The following GINS1 variants were observed in gnomAD, a reference collection of about 807,000 sequenced individuals.
GINS1 encodes the protein GINS complex subunit 1, also known as DNA replication complex GINS protein PSF1.
Under a neutral mutation model 34.9 loss-of-function variants are expected in GINS1, and 26 were observed. That is an observed-to-expected ratio of 0.74 (90% CI 0.55 to 1.03). GINS1 has a LOEUF of 1.03. GINS1 is among the 50% of genes least tolerant of loss of function. The probability of loss-of-function intolerance (pLI) is 0.00; values close to 1 mark genes in which losing one functional copy is unlikely to be tolerated. For missense variants in GINS1, 235 were observed against 237.9 expected, an observed-to-expected ratio of 0.99 and a Z score of 0.08; for synonymous variants, 97 against 84.4, an observed-to-expected ratio of 1.15 and a Z score of -0.82.
intron 1 of GINS1, among the ~76,000 whole-genome samples, chr20:25,412,428 G>T (rs963619805): frequency 6.6e-6 from 1 of 150,778 alleles, no homozygotes; most frequent in African/African-American, 2.4e-5. Context: ...GGTGGTGGGC[G>T]CCTGTAATCC....
At chr20:25,441,941 G>T (rs1258688984) in intron 6 of GINS1, among the ~76,000 whole-genome samples, 165 bp downstream of exon 6, 1 of 152,074 alleles carries the variant, frequency 6.6e-6, no homozygotes. Flanking sequence ...TATTAAGACT[G>T]GAAGCAAATG....
At chr20:25,426,355 G>A (rs2090390715) in intron 5 of GINS1, among the ~76,000 whole-genome samples, 2 of 151,752 alleles carry the variant, frequency 1.3e-5, no homozygotes, top group South Asian at 4.2e-4. Context: ...CCTGAGGTCG[G>A]GAGTTCAAGA....
In GINS1 at chr20:25,446,073, C is replaced by G. The variant is rs2090510991; in HGVS notation, c.*82C>G. Reference sequence around the variant, plus strand: ...TCTCTCCACCACTCCCTTCACCTCCCTCTTTGATTTTAGAAGCTATAGACA... The same window carrying G: ...TCTCTCCACCACTCCCTTCACCTCCGTCTTTGATTTTAGAAGCTATAGACA... On this transcript the variant is annotated 3_prime_UTR_variant, in exon 7 of 7. Transcript: ENST00000262460. The G allele has an allele frequency of 1.4e-6, 1 of 697,100 alleles. No individual in the cohort carries two copies. Among genetic ancestry groups the G allele is most frequent in the African/African-American group, 1.8e-5 (1 of 55,936 alleles). 43.2% of individuals were successfully genotyped at this position (697,100 alleles called of 1,614,324 possible).
At position 25,413,090 on chromosome 20, in the gene GINS1, G is replaced by T. The variant is rs187615713; in HGVS notation, c.76-700G>T. Among the ~76,000 whole-genome samples the T allele has an allele frequency of 4.1e-5, 6 of 147,714 alleles. 1 individual carries two copies. The East Asian group carries it at 5.9e-4, about 15-fold the overall frequency. The stretch of plus-strand genomic sequence containing the variant: ...TTTTTTTTCTTTGAGACGAAGTTTC[G>T]CTCTTGTTGCTCAGGCTGGAGTGCA... On this transcript the variant is annotated intron_variant, in intron 1 of 6. Coordinates refer to ENST00000262460, the MANE Select transcript of GINS1 (RefSeq NM_021067.5).
intron 2 of GINS1, 130 bp from the exon 3 acceptor site, chr20:25,416,974 A>G: frequency 1.8e-6 from 1 of 546,160 alleles, no homozygotes; most frequent in Non-Finnish European, 3.2e-6. Flanking sequence ...AATAGTTATT[A>G]TTTGCTTAGG....
At chr20:25,434,763 C>T (rs1314988320) in intron 5 of GINS1, among the ~76,000 whole-genome samples, 2 of 152,176 alleles carry the variant, frequency 1.3e-5, no homozygotes, top group South Asian at 4.1e-4. Context: ...TCAATTAATT[C>T]TGGAGGCCTG....
At chr20:25,411,739 T>G (rs1018988648) in intron 1 of GINS1, among the ~76,000 whole-genome samples, 1 of 152,016 alleles carries the variant, frequency 6.6e-6, no homozygotes, top group Non-Finnish European at 1.5e-5. Context: ...GGTCAGGAGT[T>G]CGAGACCAAC....
At chr20:25,428,391 T>C (rs138463824) in intron 5 of GINS1, among the ~76,000 whole-genome samples, 82 of 141,066 alleles carry the variant, frequency 5.8e-4, no homozygotes, top group African/African-American at 2.0e-3. Flanking sequence ...TTTCCAAGCA[T>C]AATTTCTTTT....
intron 5 of GINS1, among the ~76,000 whole-genome samples, chr20:25,440,334 A>G (rs554850142): frequency 1.3e-5 from 2 of 152,210 alleles, no homozygotes; most frequent in South Asian, 2.1e-4. Context: ...CTGGTTTTAT[A>G]GAAGTAGACA....
chr20:25,413,635 A>T, intron 1 of GINS1, 155 bp from the exon 2 acceptor site: 2 of 607,890 alleles, frequency 3.3e-6, no homozygotes, highest in Non-Finnish European at 6.0e-6. Flanking sequence ...TCCGCATCTC[A>T]CCAACACTTG....
intron 1 of GINS1, among the ~76,000 whole-genome samples, chr20:25,411,943 CAAAA>C (rs11478911): frequency 2.9e-5 from 4 of 136,134 alleles, no homozygotes; most frequent in Non-Finnish European, 6.4e-5. Context: ...AACTCCGTCT[CAAAA>C]AAAAAAAAAA....
chr20:25,425,327 A>G lies in GINS1; in HGVS notation c.447A>G (p.Glu149=). 1 of 1,207,322 alleles carries G rather than the reference A, an allele frequency of 8.3e-7. No homozygotes were observed. The highest frequency in any genetic ancestry group is 1.2e-6 in the Non-Finnish European group (1 of 815,176). 74.8% of individuals were successfully genotyped at this position (1,207,322 alleles called of 1,614,324 possible). A position where few individuals can be genotyped will look rare whatever the true frequency, so the allele number is the denominator to read the frequency against. The change falls in exon 5 of 7, where the codon GAA becomes GAG. Residue 149 remains glutamate, a splice_region_variant and synonymous_variant. Transcript: ENST00000262460. The stretch of plus-strand genomic sequence containing the variant: ...AACCACCAAAAAGCCTATATATTGA[A>G]GTATGTATATCTTTTTAAAATGCAT... The part of the protein sequence containing the change: ...DMKPPKSLYI[E]VRCLKDYGEF...
intron 4 of GINS1, among the ~76,000 whole-genome samples, chr20:25,421,695 A>G (rs1045582808): frequency 7.9e-5 from 12 of 152,216 alleles, no homozygotes; most frequent in African/African-American, 2.2e-4. Context: ...GAAAACTAAA[A>G]AATTTGTGAC....
At chr20:25,443,771 C>T (rs371083256) in intron 6 of GINS1, among the ~76,000 whole-genome samples, 14 of 151,432 alleles carry the variant, frequency 9.2e-5, no homozygotes, top group East Asian at 2.0e-4. Context: ...TGTGAGCCAC[C>T]GCACCTGGCC....
In GINS1 at chr20:25,446,251, T is replaced by G; in HGVS notation, c.*260T>G. 1 of 323,212 alleles carries G rather than the reference T, an allele frequency of 3.1e-6. No homozygotes were observed. The highest frequency in any genetic ancestry group is 5.6e-6 in the Non-Finnish European group (1 of 177,340). 20.0% of individuals were successfully genotyped at this position (323,212 alleles called of 1,614,324 possible). A position where few individuals can be genotyped will look rare whatever the true frequency, so the allele number is the denominator to read the frequency against. ...TGTCTCACTATGTTGCCCAAGCTGG[T>G]CTCAAACTCCTGGCCTCAAGCAGTC... On this transcript the variant is annotated 3_prime_UTR_variant, in exon 7 of 7. Transcript: ENST00000262460.
At chr20:25,423,739 G>C (rs566552431) in intron 4 of GINS1, among the ~76,000 whole-genome samples, 1 of 149,314 alleles carries the variant, frequency 6.7e-6, no homozygotes, top group Non-Finnish European at 1.5e-5. Flanking sequence ...TCAGCCTCCC[G>C]AGTAGCTGGG....
intron 5 of GINS1, among the ~76,000 whole-genome samples, chr20:25,427,648 G>T (rs1257815729): frequency 6.6e-6 from 1 of 152,028 alleles, no homozygotes; most frequent in Non-Finnish European, 1.5e-5. Context: ...CCCTTTATGG[G>T]GCCCATTTTC....
intron 6 of GINS1, among the ~76,000 whole-genome samples, chr20:25,442,480 A>G (rs1156581865): frequency 6.6e-6 from 1 of 152,090 alleles, no homozygotes; most frequent in African/African-American, 2.4e-5. Context: ...TTAGTATCCT[A>G]AAGTGCGAGG....
At chr20:25,426,523 A>AT (rs377685154) in intron 5 of GINS1, among the ~76,000 whole-genome samples, 5 of 148,624 alleles carry the variant, frequency 3.4e-5, no homozygotes, top group Non-Finnish European at 7.5e-5. Context: ...CCATTGCACA[A>AT]TTTTTTTTTT....
Sources: gnomAD v4.1 joint callset for allele counts (sites outside exome capture counted in the v4.1 genomes callset) on GRCh38, gnomAD v4.1.1 for gene constraint, MANE v1.5 for transcripts, NCBI Gene and HGNC (gene_info 2026-07-23, HGNC 2026-07-21) for gene names.